Variants in DPY19L2 observed in about 807,000 individuals in gnomAD.
DPY19L2 encodes the protein dpy-19 like 2.
In DPY19L2, 34 loss-of-function variants were observed where a neutral mutation model predicts 97.9. The observed-to-expected ratio is 0.35, with a 90% confidence interval of 0.26 to 0.46. The LOEUF (loss-of-function observed/expected upper bound fraction) is 0.46, where lower values mean the gene tolerates loss of function less well. Ranked by LOEUF, DPY19L2 falls within the 20% of genes least tolerant of loss-of-function variation. The pLI, the probability that DPY19L2 is intolerant of heterozygous loss-of-function variation, is 1.00. For synonymous variants in DPY19L2, 230 were observed against 307.9 expected (o/e 0.75, Z 2.65); for missense variants, 623 against 911.4 (o/e 0.68, Z 4.07).
rs1818017 is a variant in DPY19L2, at chr12:63,653,628, T to G, written c.589-6263A>C. 9.2e-5 allele frequency among the ~76,000 whole-genome samples: 14 copies of G among 151,752 alleles called. 1 individual carries two copies. The highest frequency in any genetic ancestry group is 1.8e-4 in the Non-Finnish European group (12 of 67,864). ...CTGGACTTCCCATATATGGCAAAAGTTATAAACCTAAATATTCAAGAAGCT... is the reference window on the plus strand; with the variant it reads ...CTGGACTTCCCATATATGGCAAAAGGTATAAACCTAAATATTCAAGAAGCT... On this transcript the variant is annotated intron_variant, in intron 4 of 21. Coordinates refer to ENST00000324472, the MANE Select transcript of DPY19L2 (RefSeq NM_173812.5).
At chr12:63,589,119 A>C (rs1263843817) in intron 16 of DPY19L2, among the ~76,000 whole-genome samples, 1 of 152,070 alleles carries the variant, frequency 6.6e-6, no homozygotes, top group Admixed American at 6.5e-5. Flanking sequence ...ACAGTGAGAC[A>C]CTAAAGGCAT....
intron 4 of DPY19L2, among the ~76,000 whole-genome samples, chr12:63,648,333 A>G (rs925650189): frequency 1.3e-5 from 2 of 152,032 alleles, no homozygotes; most frequent in Non-Finnish European, 2.9e-5. Context: ...CAAATATACA[A>G]AAAGTACCCA....
chr12:63,645,664 A>G (rs1893316446), intron 5 of DPY19L2, among the ~76,000 whole-genome samples: 1 of 152,134 alleles, frequency 6.6e-6, no homozygotes, highest in Non-Finnish European at 1.5e-5. Context: ...TATGTTTCAC[A>G]TGATTCTTCA....
chr12:63,597,894 A>G lies in DPY19L2; in HGVS notation c.1376T>C (p.Leu459Pro). The change falls in exon 14 of 22, where the codon CTT (leucine) becomes CCT (proline). Residue 459 changes from leucine to proline, a missense_variant. Leu to Pro is a moderately conservative substitution (Grantham distance 98, BLOSUM62 -3). This residue lies in a region of DPY19L2 where 294 missense variants were observed against 446.2 expected (regional missense o/e 0.66). Coordinates refer to ENST00000324472, the MANE Select transcript of DPY19L2 (RefSeq NM_173812.5). The stretch of plus-strand genomic sequence containing the variant: ...ATACCTTAAGATTCTGGCTGCTATA[A>G]GATCACTCAGGCGAATCTGGGAGAA... ...GVSDHIRLSD[L>P]IAARILRYTD... is the part of the protein sequence containing the mutation. The G allele has an allele frequency of 1.2e-6, 2 of 1,601,314 alleles. No homozygotes were observed. The highest frequency in any genetic ancestry group is 1.7e-6 in the Non-Finnish European group (2 of 1,175,968).
chr12:63,607,758 G>A (rs575538810), intron 12 of DPY19L2, among the ~76,000 whole-genome samples: 2 of 152,204 alleles, frequency 1.3e-5, no homozygotes, highest in South Asian at 2.1e-4. Flanking sequence ...TCAGCCTCCT[G>A]GGTAGTTGGG....
At chr12:63,586,474 T>C (rs1445651695) in intron 16 of DPY19L2, among the ~76,000 whole-genome samples, 4 of 152,160 alleles carry the variant, frequency 2.6e-5, no homozygotes, top group Non-Finnish European at 2.9e-5. Context: ...AGAGGGTGTC[T>C]AGGCAGGGGC....
At chr12:63,634,257 TG>T (rs1565810571) in intron 6 of DPY19L2, among the ~76,000 whole-genome samples, 1 of 152,068 alleles carries the variant, frequency 6.6e-6, no homozygotes, top group African/African-American at 2.4e-5. Flanking sequence ...ATAATAATGA[TG>T]GCAGCTGTGA....
At chr12:63,600,204 C>T (rs1261577227) in intron 13 of DPY19L2, 102 bp downstream of exon 13, 2 of 989,272 alleles carry the variant, frequency 2.0e-6, no homozygotes, top group Non-Finnish European at 3.1e-6. Context: ...AGAGAAGGCA[C>T]TTAACCTCTG....
chr12:63,660,777 T>G (rs1227103555), intron 4 of DPY19L2: 1 of 152,152 alleles, frequency 6.6e-6, no homozygotes, highest in East Asian at 1.9e-4. Flanking sequence ...ACAGTAGTAT[T>G]TACCATGGTG....
chr12:63,667,223 A>G (rs917850833), intron 1 of DPY19L2, among the ~76,000 whole-genome samples: 1 of 152,172 alleles, frequency 6.6e-6, no homozygotes, highest in African/African-American at 2.4e-5. Flanking sequence ...TACAGAGACT[A>G]TCCTGTTCAA....
At chr12:63,639,965 T>C (rs1374441698) in intron 6 of DPY19L2, among the ~76,000 whole-genome samples, 1 of 152,122 alleles carries the variant, frequency 6.6e-6, no homozygotes, top group Non-Finnish European at 1.5e-5. Flanking sequence ...TGTCCAACAA[T>C]GATAGACTCG....
At chr12:63,664,324 G>A (rs770766356) in intron 2 of DPY19L2, among the ~76,000 whole-genome samples, 6 of 150,848 alleles carry the variant, frequency 4.0e-5, no homozygotes, top group Non-Finnish European at 8.9e-5. Context: ...GCGACAGAGT[G>A]AGACTCTGTC....
rs770891983 is a variant in DPY19L2 at position 63,583,844 on chromosome 12, A to G, written c.1581-8T>C. ...TGTTCAAGGAGCTGTTTTCTAGAAT[A>G]AAACAAAAATATTACCTATTTACTG... On this transcript the variant is annotated splice_region_variant and splice_polypyrimidine_tract_variant and intron_variant, in intron 16 of 21. Transcript: ENST00000324472. 6.2e-7 allele frequency: 1 copy of G among 1,608,632 alleles called. No individual in the cohort carries two copies. The highest frequency in any genetic ancestry group is 1.1e-5 in the South Asian group (1 of 90,606).
chr12:63,560,857 C>A (rs2137230373), intron 21 of DPY19L2, among the ~76,000 whole-genome samples, 195 bp from the exon 22 acceptor site: 1 of 152,244 alleles, frequency 6.6e-6, no homozygotes, highest in Non-Finnish European at 1.5e-5. Context: ...ATTTTCACAT[C>A]TCATTTAACC....
chr12:63,649,520 C>G (rs1051065697), intron 4 of DPY19L2, among the ~76,000 whole-genome samples: 14 of 152,012 alleles, frequency 9.2e-5, no homozygotes, highest in Admixed American at 9.2e-4. Context: ...TGTAGAAAAG[C>G]AAAAAACTCT....
At chr12:63,635,979 G>A (rs1891611274) in intron 6 of DPY19L2, among the ~76,000 whole-genome samples, 1 of 152,096 alleles carries the variant, frequency 6.6e-6, no homozygotes, top group South Asian at 2.1e-4. Context: ...ATAATTGTCA[G>A]ATTCACCAAA....
At chr12:63,611,029 A>G (rs909019338) in intron 11 of DPY19L2, among the ~76,000 whole-genome samples, 13 of 151,912 alleles carry the variant, frequency 8.6e-5, no homozygotes, top group Non-Finnish European at 4.4e-5. Flanking sequence ...ACAATGAGAT[A>G]CCACCTCAAA....
intron 19 of DPY19L2, among the ~76,000 whole-genome samples, chr12:63,577,268 A>G (rs1353322865): frequency 6.6e-6 from 1 of 152,082 alleles, no homozygotes; most frequent in Non-Finnish European, 1.5e-5. Context: ...ATCTCTTGCC[A>G]TATACAAAAC....
At chr12:63,578,994 GCCAGGGTCTT>G (rs998708089) in intron 19 of DPY19L2, among the ~76,000 whole-genome samples, 2 of 151,980 alleles carry the variant, frequency 1.3e-5, no homozygotes, top group Non-Finnish European at 2.9e-5. Context: ...AAAGCCCAGG[GCCAGGGTCTT>G]CCAAAAAAAA....
Sources: allele counts gnomAD v4.1 joint callset (sites outside exome capture counted in the v4.1 genomes callset), GRCh38; gene constraint gnomAD v4.1.1; regional missense constraint gnomAD v4.1.1; transcripts MANE v1.5; gene names NCBI Gene and HGNC (gene_info 2026-07-23, HGNC 2026-07-21).